Variants in SPPL3 observed in about 807,000 individuals in gnomAD.
SPPL3 encodes signal peptide peptidase like 3, also known as signal peptide peptidase-like 3.
A neutral mutation model predicts 42.4 loss-of-function variants in SPPL3; 5 were observed. That is an observed-to-expected ratio of 0.12 (90% confidence interval 0.06 to 0.25). SPPL3 has a LOEUF of 0.25. SPPL3 is among the 10% of genes least tolerant of loss of function. The pLI is 1.00. For missense variants in SPPL3, 235 were observed against 489.0 expected, an observed-to-expected ratio of 0.48 and a Z score of 4.90; for synonymous variants, 195 against 181.8, an observed-to-expected ratio of 1.07 and a Z score of -0.58.
chr12:120,779,820 CAAAAAAAAAAAAAA>C (rs1164272443), intron 6 of SPPL3, among the ~76,000 whole-genome samples: 2 of 42,778 alleles, frequency 4.7e-5, no homozygotes, highest in East Asian at 8.7e-4. Flanking sequence ...ACTAAAAATA[CAAAAAAAAAAAAAA>C]AAAAAAAAAA....
intron 10 of SPPL3, among the ~76,000 whole-genome samples, chr12:120,765,740 G>A (rs907097075): frequency 6.6e-6 from 1 of 151,884 alleles, no homozygotes. Context: ...CAACTCTCTA[G>A]AGGTAGTGAG....
At chr12:120,803,822 A>G (rs973016939) in intron 2 of SPPL3, among the ~76,000 whole-genome samples, 1 of 152,190 alleles carries the variant, frequency 6.6e-6, no homozygotes, top group Non-Finnish European at 1.5e-5. Flanking sequence ...TAACAAGTTC[A>G]GGCTTCTGTG....
At chr12:120,825,926 G>A in intron 1 of SPPL3, among the ~76,000 whole-genome samples, 1 of 152,060 alleles carries the variant, frequency 6.6e-6, no homozygotes, top group East Asian at 1.9e-4. Flanking sequence ...TTTGAAAGAA[G>A]AACTAATGGG....
At chr12:120,859,518 C>T (rs2137040954) in intron 1 of SPPL3, among the ~76,000 whole-genome samples, 1 of 152,276 alleles carries the variant, frequency 6.6e-6, no homozygotes, top group South Asian at 2.1e-4. Flanking sequence ...TTTGTTTTTT[C>T]AAACAGTACT....
chr12:120,880,151 C>T (rs559590076), intron 1 of SPPL3, among the ~76,000 whole-genome samples: 1 of 151,814 alleles, frequency 6.6e-6, no homozygotes, highest in African/African-American at 2.4e-5. Flanking sequence ...GGGGCTGAGA[C>T]ACATTATTGA....
intron 1 of SPPL3, among the ~76,000 whole-genome samples, chr12:120,842,345 A>AT (rs1871860584): frequency 6.6e-6 from 1 of 152,198 alleles, no homozygotes; most frequent in African/African-American, 2.4e-5. Flanking sequence ...TTGACCTAAG[A>AT]TAAGGGCAGA....
chr12:120,870,335 C>T (rs1477374107), intron 1 of SPPL3, among the ~76,000 whole-genome samples: 2 of 152,022 alleles, frequency 1.3e-5, no homozygotes, highest in African/African-American at 4.8e-5. Flanking sequence ...ATCCCAGCTA[C>T]TCGGGAGGCT....
intron 1 of SPPL3, chr12:120,845,284 A>G: frequency 2.8e-6 from 1 of 362,586 alleles, no homozygotes; most frequent in Non-Finnish European, 5.6e-6. Flanking sequence ...CTTGTTGGCA[A>G]ACCCCAGGAG....
At chr12:120,833,659 C>A (rs1592985936) in intron 1 of SPPL3, among the ~76,000 whole-genome samples, 1 of 105,118 alleles carries the variant, frequency 9.5e-6, no homozygotes, top group Non-Finnish European at 1.8e-5. Flanking sequence ...AGTGAGACTC[C>A]ATCTCTCCAA....
rs1394154702 is a variant in SPPL3 at position 120,781,570 on chromosome 12, T to G, written c.502+1085A>C. Reference sequence around the variant, plus strand: ...TTATTGTTACGTTTTTTTTTTTTTTTTTTTTTTTTTTTTTTTTTTTTGAGA... The same window carrying G: ...TTATTGTTACGTTTTTTTTTTTTTTGTTTTTTTTTTTTTTTTTTTTTGAGA... On this transcript the variant is annotated intron_variant, in intron 6 of 10. Transcript: ENST00000353487. 2.5e-3 allele frequency among the ~76,000 whole-genome samples: 254 copies of G among 103,286 alleles called. 14 individuals carry two copies. Among genetic ancestry groups the G allele is most frequent in the South Asian group, 0.014 (36 of 2,504 alleles). The allele number at this position is 103,286 out of a possible 152,430, so 67.8% of individuals were successfully genotyped here. A position where few individuals can be genotyped will look rare whatever the true frequency, so the allele number is the denominator to read the frequency against.
chr12:120,840,033 C>A (rs1871761651), intron 1 of SPPL3, among the ~76,000 whole-genome samples: 2 of 151,930 alleles, frequency 1.3e-5, no homozygotes, highest in African/African-American at 2.4e-5. Context: ...GTAAACCAGA[C>A]ACTTTGGGAG....
At chr12:120,901,797 TA>T in intron 1 of SPPL3, 1 of 699,690 alleles carries the variant, frequency 1.4e-6, no homozygotes, top group Non-Finnish European at 1.8e-6. Flanking sequence ...AATAAATTTG[TA>T]AATTGTCAAA....
At chr12:120,879,728 T>TA (rs557516964) in intron 1 of SPPL3, among the ~76,000 whole-genome samples, 57 of 152,210 alleles carry the variant, frequency 3.7e-4, no homozygotes, top group Admixed American at 1.6e-3. Flanking sequence ...TCATTAACTA[T>TA]AAAATCTTGG....
chr12:120,843,166 G>C (rs1871889561), intron 1 of SPPL3, among the ~76,000 whole-genome samples: 1 of 152,064 alleles, frequency 6.6e-6, no homozygotes, highest in South Asian at 2.1e-4. Flanking sequence ...ACAGGTAGGA[G>C]GTATACATAT....
chr12:120,863,323 G>A (rs946840872), intron 1 of SPPL3, among the ~76,000 whole-genome samples: 3 of 151,856 alleles, frequency 2.0e-5, no homozygotes, highest in African/African-American at 7.3e-5. Flanking sequence ...ACCCCAGCCT[G>A]GGTGACAGAG....
intron 3 of SPPL3, among the ~76,000 whole-genome samples, chr12:120,788,332 G>A (rs1237655568): frequency 1.3e-5 from 2 of 152,032 alleles, no homozygotes; most frequent in Non-Finnish European, 2.9e-5. Context: ...CATGTGTTTC[G>A]AGTTGCCCAG....
chr12:120,885,694 G>GGTTACTAAGATA (rs1247068652), intron 1 of SPPL3, among the ~76,000 whole-genome samples: 1 of 151,888 alleles, frequency 6.6e-6, no homozygotes, highest in Non-Finnish European at 1.5e-5. Context: ...CTACAACTAT[G>GGTTACTAAGATA]GTTACTAAGG....
intron 2 of SPPL3, among the ~76,000 whole-genome samples, chr12:120,792,551 T>C (rs1371150828): frequency 3.3e-5 from 5 of 151,646 alleles, no homozygotes; most frequent in African/African-American, 9.7e-5. Context: ...AATACAAAAA[T>C]TTGCTGGGCG....
Position 120,768,936 on chromosome 12 carries a change from A to C in SPPL3, c.609+17T>G, listed in dbSNP as rs1320152035. The C allele has an allele frequency of 1.3e-6, 2 of 1,589,082 alleles. No homozygotes were observed. Among genetic ancestry groups the C allele is most frequent in the Admixed American group, 3.5e-5 (2 of 56,592 alleles). Reference sequence around the variant, plus strand: ...AACACAAAGAAGGGGAGGAGCTCCAAGGACATAAACGCTTACCCAAAAGAC... The same window carrying C: ...AACACAAAGAAGGGGAGGAGCTCCACGGACATAAACGCTTACCCAAAAGAC... On this transcript the variant is annotated intron_variant, in intron 7 of 10. Coordinates refer to ENST00000353487, the MANE Select transcript of SPPL3 (RefSeq NM_139015.5).
Sources: gnomAD v4.1 joint callset for allele counts (sites outside exome capture counted in the v4.1 genomes callset) on GRCh38, gnomAD v4.1.1 for gene constraint, MANE v1.5 for transcripts, NCBI Gene and HGNC (gene_info 2026-07-23, HGNC 2026-07-21) for gene names.